Variants in SLC22A16 observed in about 807,000 individuals in gnomAD.
The protein encoded by SLC22A16 is WUGSC:RG331P03.1.
SLC22A16 carries 53 observed loss-of-function variants against 52.9 expected under a neutral mutation model. That is an observed-to-expected ratio of 1.00 (90% CI 0.80 to 1.26). SLC22A16 has a LOEUF of 1.26. Among genes scored for constraint, SLC22A16 ranks in the 50% most tolerant of loss-of-function variants. The probability of loss-of-function intolerance (pLI) is 0.00; values close to 1 mark genes in which losing one functional copy is unlikely to be tolerated. For synonymous variants in SLC22A16, 291 were observed against 268.8 expected (o/e 1.08, Z -0.81); for missense variants, 726 against 704.0 (o/e 1.03, Z -0.35).
At chr6:110,440,952 A>G (rs1288489262) in intron 4 of SLC22A16, among the ~76,000 whole-genome samples, 3 of 152,268 alleles carry the variant, frequency 2.0e-5, no homozygotes, top group African/African-American at 7.2e-5. Context: ...CACTAGAGCA[A>G]CATGAATTCT....
intron 6 of SLC22A16, among the ~76,000 whole-genome samples, chr6:110,432,496 T>G (rs1774546053): frequency 6.6e-6 from 1 of 152,234 alleles, no homozygotes; most frequent in Non-Finnish European, 1.5e-5. Flanking sequence ...AGGCACTGCA[T>G]GGATCTGGTC....
At chr6:110,456,513 A>G (rs761438103) in intron 2 of SLC22A16, 25 bp downstream of exon 2, 12 of 1,611,146 alleles carry the variant, frequency 7.4e-6, no homozygotes, top group Non-Finnish European at 8.5e-6. Context: ...ACACTGATAC[A>G]ACAATCCTAA....
At chr6:110,470,568 C>A (rs183806293) in intron 1 of SLC22A16, among the ~76,000 whole-genome samples, 82 of 152,254 alleles carry the variant, frequency 5.4e-4, no homozygotes, top group Admixed American at 2.3e-3. Flanking sequence ...TAGTTTCTAC[C>A]TTCCTGGCCT....
Position 110,446,900 on chromosome 6 carries a change from G to A in SLC22A16, c.624C>T (p.Phe208=), listed in dbSNP as rs1381604036. ...TGGCAAGAAAAAAGCGAGCAGCCAT[G>A]AAGGTGTAATAATCAACTGCAAACG... ...AAAFAVDYYT[F]MAARFFLAMV... Residue 208 remains phenylalanine, a synonymous_variant, in exon 3 of 8, where the codon TTC becomes TTT. Coordinates refer to ENST00000368919, the MANE Select transcript of SLC22A16 (RefSeq NM_033125.4). The A allele has an allele frequency of 6.2e-7, 1 of 1,613,722 alleles. No individual in the cohort carries two copies. The highest frequency in any genetic ancestry group is 8.5e-7 in the Non-Finnish European group (1 of 1,179,856).
chr6:110,467,019 A>C (rs1390975081), intron 1 of SLC22A16, among the ~76,000 whole-genome samples: 1 of 152,176 alleles, frequency 6.6e-6, no homozygotes, highest in African/African-American at 2.4e-5. Flanking sequence ...AGCCTCTGGA[A>C]AACTCTACTG....
At chr6:110,468,726 C>T (rs1174164437) in intron 1 of SLC22A16, among the ~76,000 whole-genome samples, 2 of 151,764 alleles carry the variant, frequency 1.3e-5, no homozygotes, top group African/African-American at 4.8e-5. Context: ...CCATCCTAGA[C>T]AGAGGGGTTG....
At chr6:110,450,665 G>C (rs185673827) in intron 2 of SLC22A16, among the ~76,000 whole-genome samples, 1 of 147,442 alleles carries the variant, frequency 6.8e-6, no homozygotes, top group East Asian at 2.0e-4. Context: ...GAAATTGTCA[G>C]TTCAAAAGTC....
At chr6:110,431,992 G>C (rs1473343139) in intron 6 of SLC22A16, among the ~76,000 whole-genome samples, 2 of 152,170 alleles carry the variant, frequency 1.3e-5, no homozygotes, top group African/African-American at 4.8e-5. Flanking sequence ...CTGTATACCT[G>C]TGTACTGTTC....
intron 1 of SLC22A16, chr6:110,476,264 C>T: frequency 8.8e-7 from 1 of 1,138,534 alleles, no homozygotes; most frequent in South Asian, 1.8e-5. Flanking sequence ...GCACCAGGTC[C>T]CTCCTGCCCG....
At chr6:110,439,166 C>A (rs78895546) in intron 4 of SLC22A16, among the ~76,000 whole-genome samples, 1 of 152,070 alleles carries the variant, frequency 6.6e-6, no homozygotes, top group African/African-American at 2.4e-5. Flanking sequence ...ATTTCACAGC[C>A]GAGAATTATT....
chr6:110,443,068 T>C (rs1353516885), intron 3 of SLC22A16, among the ~76,000 whole-genome samples: 1 of 152,246 alleles, frequency 6.6e-6, no homozygotes, highest in African/African-American at 2.4e-5. Context: ...ATACTGTGGA[T>C]GTATTTCTCC....
chr6:110,465,918 G>A (rs1776043543), intron 1 of SLC22A16, among the ~76,000 whole-genome samples: 1 of 152,098 alleles, frequency 6.6e-6, no homozygotes. Flanking sequence ...AAACCAGCAT[G>A]GAACTGGTAC....
chr6:110,442,349 G>C lies in SLC22A16; in HGVS notation c.1078C>G (p.Leu360Val), dbSNP rs758508860. 6.2e-7 allele frequency: 1 copy of C among 1,614,170 alleles called. No individual in the cohort carries two copies. The highest frequency in any genetic ancestry group is 2.2e-5 in the East Asian group (1 of 44,882). Residue 360 changes from leucine to valine, a missense_variant, in exon 4 of 8, where the codon CTT becomes GTT. By Grantham distance (32) the Leu-to-Val change is conservative (BLOSUM62 1). Transcript: ENST00000368919. ...FYNWSITKRT[L>V]TVWLIWFTGS... The stretch of plus-strand genomic sequence containing the variant: ...GTGAACCAGATTAGCCAAACGGTAA[G>C]TGTCCTTTTCGTAATGCTCCAGTTA...
chr6:110,452,855 T>G (rs989406457), intron 2 of SLC22A16, among the ~76,000 whole-genome samples: 1 of 152,226 alleles, frequency 6.6e-6, no homozygotes, highest in Admixed American at 6.5e-5. Flanking sequence ...GTTGATTGTA[T>G]GAATTTTGTC....
chr6:110,434,366 T>C (rs750561680), intron 6 of SLC22A16, among the ~76,000 whole-genome samples: 140 of 152,110 alleles, frequency 9.2e-4, no homozygotes, highest in African/African-American at 3.1e-3. Context: ...TATCTGGACA[T>C]GAGGGCTGCA....
intron 1 of SLC22A16, among the ~76,000 whole-genome samples, chr6:110,457,859 T>C (rs1325006576): frequency 6.6e-6 from 1 of 152,028 alleles, no homozygotes; most frequent in African/African-American, 2.4e-5. Context: ...CAAAGAAAAG[T>C]ACCCGCTACT....
At chr6:110,467,155 T>G (rs1483046471) in intron 1 of SLC22A16, among the ~76,000 whole-genome samples, 1 of 152,182 alleles carries the variant, frequency 6.6e-6, no homozygotes, top group Non-Finnish European at 1.5e-5. Context: ...CCTGCTGGTC[T>G]AGCCTGTTCC....
chr6:110,427,256 A>G (rs1350776047), intron 7 of SLC22A16, among the ~76,000 whole-genome samples: 4 of 144,444 alleles, frequency 2.8e-5, no homozygotes, highest in Admixed American at 6.8e-5. Flanking sequence ...TCAAAAAAAA[A>G]AAAAAAAAGA....
rs535206254 is a variant in SLC22A16 at position 110,456,810 on chromosome 6, C to G, written c.261G>C (p.Thr87=). 6.2e-7 allele frequency: 1 copy of G among 1,614,140 alleles called. No individual in the cohort carries two copies. Among genetic ancestry groups the G allele is most frequent in the Non-Finnish European group, 8.5e-7 (1 of 1,180,026 alleles). The change falls in exon 2 of 8, where the codon ACG becomes ACC. Residue 87 remains threonine (T), a synonymous_variant. Transcript: ENST00000368919. ...LLSSGQKDYV[T]VQLQNGEIWE... ...AGATCTCACCATTCTGCAACTGCACCGTAACATAATCTTTCTGGCCTGAAG... is the reference window on the plus strand; with the variant it reads ...AGATCTCACCATTCTGCAACTGCACGGTAACATAATCTTTCTGGCCTGAAG...
Sources: allele counts gnomAD v4.1 joint callset (sites outside exome capture counted in the v4.1 genomes callset), GRCh38; gene constraint gnomAD v4.1.1; transcripts MANE v1.5; gene names NCBI Gene and HGNC (gene_info 2026-07-23, HGNC 2026-07-21).